The following CAMTA1 variants were observed in gnomAD, a reference collection of about 807,000 sequenced individuals.
The protein encoded by CAMTA1 is calmodulin binding transcription activator 1.
CAMTA1 carries 27 observed loss-of-function variants against 170.9 expected under a neutral mutation model. The ratio of observed to expected loss-of-function variants is 0.16; its 90% CI spans 0.12 to 0.22. CAMTA1 has a LOEUF of 0.22. Among genes scored for constraint, CAMTA1 ranks in the 10% least tolerant of loss-of-function variants. The probability of loss-of-function intolerance (pLI) is 1.00; values close to 1 mark genes in which losing one functional copy is unlikely to be tolerated. For synonymous variants in CAMTA1, 833 were observed against 891.5 expected, an observed-to-expected ratio of 0.93 and a Z score of 1.17; for missense variants, 1,619 against 2,217.2, an observed-to-expected ratio of 0.73 and a Z score of 5.42.
chr1:6,960,906 CAGTT>C (rs1557888988), intron 3 of CAMTA1, among the ~76,000 whole-genome samples: 1 of 152,194 alleles, frequency 6.6e-6, no homozygotes, highest in African/African-American at 2.4e-5. Flanking sequence ...CCCATGACAT[CAGTT>C]AGTTCTATGA....
chr1:7,602,450 T>C (rs1383344095), intron 6 of CAMTA1, among the ~76,000 whole-genome samples: 1 of 152,212 alleles, frequency 6.6e-6, no homozygotes, highest in East Asian at 1.9e-4. Flanking sequence ...CATAGAGGTC[T>C]TTACAGTATT....
intron 3 of CAMTA1, among the ~76,000 whole-genome samples, chr1:6,902,494 A>C (rs761266867): frequency 6.6e-6 from 1 of 152,188 alleles, no homozygotes; most frequent in Non-Finnish European, 1.5e-5. Flanking sequence ...GGAAAAGCCA[A>C]AATTGTATGG....
intron 6 of CAMTA1, among the ~76,000 whole-genome samples, chr1:7,556,289 G>A (rs1160028900): frequency 6.6e-6 from 1 of 152,136 alleles, no homozygotes; most frequent in Non-Finnish European, 1.5e-5. Flanking sequence ...GGGTGGGTTG[G>A]TCTGAAAGGT....
At chr1:7,581,291 G>A (rs2150397085) in intron 6 of CAMTA1, among the ~76,000 whole-genome samples, 1 of 152,250 alleles carries the variant, frequency 6.6e-6, no homozygotes, top group East Asian at 1.9e-4. Flanking sequence ...CGAAGGGCCT[G>A]CAGCAACGTT....
intron 6 of CAMTA1, among the ~76,000 whole-genome samples, chr1:7,590,493 T>C (rs974731065): frequency 2.2e-4 from 33 of 152,334 alleles, no homozygotes; most frequent in Admixed American, 1.9e-3. Flanking sequence ...CCCCTTGGGC[T>C]GGCATCTCTG....
intron 3 of CAMTA1, among the ~76,000 whole-genome samples, chr1:6,848,395 C>T (rs148911796): frequency 9.8e-5 from 15 of 152,306 alleles, no homozygotes; most frequent in Admixed American, 7.8e-4. Context: ...GTGGTCCTCC[C>T]GTTTCGTCCT....
intron 6 of CAMTA1, among the ~76,000 whole-genome samples, chr1:7,619,961 A>C (rs1285683523): frequency 6.6e-6 from 1 of 152,258 alleles, no homozygotes. Flanking sequence ...TGATGCTGTC[A>C]TTAAATGTTG....
At chr1:7,137,176 C>T (rs1176655706) in intron 4 of CAMTA1, among the ~76,000 whole-genome samples, 1 of 152,190 alleles carries the variant, frequency 6.6e-6, no homozygotes, top group African/African-American at 2.4e-5. Context: ...CTCCTTTAAT[C>T]CATCAGCAAA....
chr1:7,398,187 C>T (rs867729240), intron 5 of CAMTA1, among the ~76,000 whole-genome samples: 1 of 38,222 alleles, frequency 2.6e-5, no homozygotes, highest in South Asian at 9.9e-4. Context: ...CTCTCTCTCT[C>T]TCTCTCTATA....
At position 7,398,153 on chromosome 1, in the gene CAMTA1, T is replaced by TGC. The variant is rs1173744784; in HGVS notation, c.439-69676_439-69675dup. Among the ~76,000 whole-genome samples, 5 of 57,540 alleles carry TGC rather than the reference T, an allele frequency of 8.7e-5. No homozygotes were observed. The East Asian group carries it at 2.3e-3, about 27-fold the overall frequency. The allele number at this position is 57,540 out of a possible 152,430, so 37.7% of individuals were successfully genotyped here. On this transcript the variant is annotated intron_variant, in intron 5 of 22. Coordinates refer to ENST00000303635, the MANE Select transcript of CAMTA1 (RefSeq NM_015215.4). ...CTTCAGAAGTTAGATATAATAATAT[T>TGC]GCTCTCTCTCTCTCTCTCTCTCTCT...
In CAMTA1 at chr1:7,113,263, C is replaced by T. The variant is rs777482973; in HGVS notation, c.302+21892C>T. Among the ~76,000 whole-genome samples the T allele has an allele frequency of 3.3e-5, 5 of 152,238 alleles. No individual in the cohort carries two copies. Among genetic ancestry groups the T allele is most frequent in the East Asian group, 1.9e-4 (1 of 5,196 alleles). On this transcript the variant is annotated intron_variant, in intron 4 of 22. Transcript: ENST00000303635. This position sits in a 1 kb window ranked among gnomAD's most constrained non-coding sequence, Gnocchi z 4.5. ...AGACAGCACCCTGGGGCCAGAGGATCGTGGTTGGCCGTGGGCTGGTCACTG... is the reference window on the plus strand; with the variant it reads ...AGACAGCACCCTGGGGCCAGAGGATTGTGGTTGGCCGTGGGCTGGTCACTG...
intron 4 of CAMTA1, among the ~76,000 whole-genome samples, chr1:7,232,870 C>G (rs1011726200): frequency 1.3e-4 from 19 of 151,926 alleles, no homozygotes; most frequent in African/African-American, 4.6e-4. Context: ...TCCCTTCTCA[C>G]AAAATGAATA....
chr1:7,049,899 C>T (rs1204083221), intron 3 of CAMTA1, among the ~76,000 whole-genome samples: 1 of 152,212 alleles, frequency 6.6e-6, no homozygotes, highest in African/African-American at 2.4e-5. Context: ...TCTCTGCCTT[C>T]AAGGAGCTGA....
chr1:7,486,010 C>T (rs2093612919), intron 6 of CAMTA1, among the ~76,000 whole-genome samples: 2 of 152,228 alleles, frequency 1.3e-5, no homozygotes, highest in African/African-American at 4.8e-5. Context: ...GATAAAAGAT[C>T]ATTCTACTGC....
chr1:6,851,874 C>T (rs535244103), intron 3 of CAMTA1, among the ~76,000 whole-genome samples: 28 of 151,874 alleles, frequency 1.8e-4, no homozygotes, highest in Non-Finnish European at 4.0e-4. Context: ...ATTAGCCGGG[C>T]GTGGTGGTGC....
chr1:7,128,264 A>G (rs1160451240), intron 4 of CAMTA1, among the ~76,000 whole-genome samples: 2 of 152,038 alleles, frequency 1.3e-5, no homozygotes, highest in Admixed American at 6.5e-5. Context: ...TCCTTTTGCT[A>G]TAATAAGTCT....
intron 4 of CAMTA1, among the ~76,000 whole-genome samples, chr1:7,218,182 T>C (rs1192157454): frequency 6.6e-6 from 1 of 152,232 alleles, no homozygotes; most frequent in African/African-American, 2.4e-5. Context: ...GTTGCCCTTA[T>C]AGTAAGTTAT....
At chr1:7,316,904 T>C (rs1349938067) in intron 5 of CAMTA1, among the ~76,000 whole-genome samples, 7 of 152,044 alleles carry the variant, frequency 4.6e-5, no homozygotes, top group Non-Finnish European at 1.0e-4. Context: ...GGTACAGCAG[T>C]GTATGGGAGA....
chr1:7,036,936 T>C (rs766037203), intron 3 of CAMTA1, among the ~76,000 whole-genome samples: 2 of 152,216 alleles, frequency 1.3e-5, no homozygotes, highest in Non-Finnish European at 2.9e-5. Context: ...GTGGAGGCTG[T>C]GTTTCAGTGA....
Sources: allele counts gnomAD v4.1 joint callset (sites outside exome capture counted in the v4.1 genomes callset), GRCh38; gene constraint gnomAD v4.1.1; non-coding constraint Gnocchi (gnomAD v3.1); transcripts MANE v1.5; gene names NCBI Gene and HGNC (gene_info 2026-07-23, HGNC 2026-07-21).